The following NOL10 variants were observed in gnomAD, a reference collection of about 807,000 sequenced individuals.
The protein encoded by NOL10 is nucleolar protein 10, also known as H_NH0074G24.1.
NOL10 carries 58 observed loss-of-function variants against 103.5 expected under a neutral mutation model. The ratio of observed to expected loss-of-function variants is 0.56; its 90% CI spans 0.45 to 0.70. NOL10 has a LOEUF of 0.70. Ranked by LOEUF, NOL10 falls within the 30% of genes least tolerant of loss-of-function variation. The pLI, the probability that NOL10 is intolerant of heterozygous loss-of-function variation, is 0.00. For synonymous variants in NOL10, 287 were observed against 282.5 expected (o/e 1.02, Z -0.16); for missense variants, 763 against 807.3 (o/e 0.95, Z 0.67).
At chr2:10,638,790 G>A (rs1221718121) in intron 13 of NOL10, among the ~76,000 whole-genome samples, 1 of 120,196 alleles carries the variant, frequency 8.3e-6, no homozygotes, top group Admixed American at 9.0e-5. Context: ...ACCGTGCCTG[G>A]CCTTTTTTTT....
chr2:10,643,664 T>C (rs565732803), intron 13 of NOL10, among the ~76,000 whole-genome samples: 1 of 152,116 alleles, frequency 6.6e-6, no homozygotes, highest in East Asian at 1.9e-4. Context: ...AGAAACAAAC[T>C]ATAGTGAGAT....
At chr2:10,674,046 G>GA (rs34557815) in intron 4 of NOL10, among the ~76,000 whole-genome samples, 18,675 of 143,092 alleles carry the variant, frequency 0.13, 1,414 homozygotes, top group African/African-American at 0.19. Context: ...CTATGGGAAA[G>GA]AAAAAAAAAA....
At chr2:10,615,872 G>A (rs1371182463) in intron 13 of NOL10, among the ~76,000 whole-genome samples, 6 of 152,160 alleles carry the variant, frequency 3.9e-5, no homozygotes, top group Non-Finnish European at 7.3e-5. Flanking sequence ...CTCTGGAGGA[G>A]GGGAACCAAA....
intron 13 of NOL10, 30 bp from the exon 14 acceptor site, chr2:10,607,341 G>T (rs986619013): frequency 3.8e-6 from 6 of 1,577,688 alleles, no homozygotes; most frequent in Non-Finnish European, 5.1e-6. Context: ...GGTCAGCAAA[G>T]GCACAGTTTA....
chr2:10,632,551 G>A (rs1423403762), intron 13 of NOL10, among the ~76,000 whole-genome samples: 1 of 152,118 alleles, frequency 6.6e-6, no homozygotes, highest in East Asian at 1.9e-4. Flanking sequence ...GTAAGTAACT[G>A]GAAGCAATGC....
At chr2:10,677,701 G>A (rs1681410409) in intron 3 of NOL10, among the ~76,000 whole-genome samples, 1 of 151,952 alleles carries the variant, frequency 6.6e-6, no homozygotes, top group Non-Finnish European at 1.5e-5. Context: ...TCAAACTCCT[G>A]GGCTCAAGTG....
At chr2:10,618,514 C>G (rs1394442214) in intron 13 of NOL10, among the ~76,000 whole-genome samples, 2 of 152,188 alleles carry the variant, frequency 1.3e-5, no homozygotes, top group African/African-American at 4.8e-5. Context: ...AAGCGATTGG[C>G]TCTGTATGAT....
At chr2:10,589,772 G>A (rs377665588) in intron 17 of NOL10, 21 bp from the exon 18 acceptor site, 44 of 1,398,212 alleles carry the variant, frequency 3.1e-5, no homozygotes, top group East Asian at 7.9e-5. Flanking sequence ...GAAAAAGTAC[G>A]TAAAAATTTA....
At position 10,571,925 on chromosome 2, in the gene NOL10, C is replaced by T. The variant is rs73165928; in HGVS notation, c.*146G>A. 3.1e-3 allele frequency: 3,058 copies of T among 981,734 alleles called. 80 individuals carry two copies. In the African/African-American group the frequency reaches 0.045, roughly 14 times the overall value. The allele number at this position is 981,734 out of a possible 1,614,324, so 60.8% of individuals were successfully genotyped here. Reference sequence around the variant, plus strand: ...GCTTCAAAGTCCAACCCACAAGGCACAGGTTTTCAAATCTTTACCTCTGTG... The same window carrying T: ...GCTTCAAAGTCCAACCCACAAGGCATAGGTTTTCAAATCTTTACCTCTGTG... On this transcript the variant is annotated 3_prime_UTR_variant, in exon 21 of 21. Coordinates refer to ENST00000381685, the MANE Select transcript of NOL10 (RefSeq NM_024894.4).
rs561947894 is a variant in NOL10 at position 10,653,848 on chromosome 2, A to G, written c.973+633T>C. Among the ~76,000 whole-genome samples the G allele has an allele frequency of 2.0e-5, 3 of 152,174 alleles. No homozygotes were observed. In the South Asian group the frequency reaches 6.2e-4, roughly 32 times the overall value. ...AGCTCTCTCTCTCCAGCAAGCTGTC[A>G]AAGTACTCTTTGCACAAATGTGATA... On this transcript the variant is annotated intron_variant, in intron 12 of 20. Transcript: ENST00000381685.
At position 10,572,113 on chromosome 2, in the gene NOL10, T is replaced by C. The variant is rs1475299541; in HGVS notation, c.2025A>G (p.Gly675=). Residue 675 remains glycine, a synonymous_variant, in exon 21 of 21, where the codon GGA becomes GGG. Coordinates refer to ENST00000381685, the MANE Select transcript of NOL10 (RefSeq NM_024894.4). ...QERKRLRRSA[G]HLKSRHKRGR... ...CTCTTTTGTGTCTTGACTTCAGGTG[T>C]CCGGCCGAACGACGGAGTCTTTTCC... is the stretch of plus-strand genomic sequence containing the variant. The C allele has an allele frequency of 5.6e-6, 9 of 1,614,022 alleles. No individual in the cohort carries two copies. Among genetic ancestry groups the C allele is most frequent in the Non-Finnish European group, 6.8e-6 (8 of 1,179,902 alleles).
chr2:10,662,266 C>G (rs1231282752), intron 9 of NOL10, among the ~76,000 whole-genome samples: 1 of 152,190 alleles, frequency 6.6e-6, no homozygotes, highest in Non-Finnish European at 1.5e-5. Context: ...CTGTCAGCTA[C>G]TATTTCTACT....
intron 6 of NOL10, among the ~76,000 whole-genome samples, chr2:10,669,328 G>A: frequency 6.6e-6 from 1 of 151,110 alleles, no homozygotes; most frequent in East Asian, 2.0e-4. Flanking sequence ...GACCTCAGGT[G>A]ATCTGCCCAC....
At chr2:10,576,412 A>T (rs1230597492) in intron 20 of NOL10, among the ~76,000 whole-genome samples, 1 of 152,238 alleles carries the variant, frequency 6.6e-6, no homozygotes, top group Non-Finnish European at 1.5e-5. Flanking sequence ...TTATACATTC[A>T]TTTTCACAGC....
intron 12 of NOL10, among the ~76,000 whole-genome samples, chr2:10,648,333 G>A (rs1452566002): frequency 1.3e-5 from 2 of 152,154 alleles, no homozygotes; most frequent in East Asian, 1.9e-4. Context: ...CAGACACAAA[G>A]AGTTGAACGG....
chr2:10,611,691 G>A (rs974465896), intron 13 of NOL10, among the ~76,000 whole-genome samples: 15 of 152,192 alleles, frequency 9.9e-5, no homozygotes, highest in East Asian at 9.7e-4. Context: ...TGAGGTGGGC[G>A]GATCGCCTGA....
Position 10,684,573 on chromosome 2 carries a change from C to T in NOL10, c.106G>A (p.Asp36Asn). The change falls in exon 2 of 21, where the codon GAT (aspartate) becomes AAT (asparagine). Residue 36 changes from aspartate (D) to asparagine (N), a missense_variant. Transcript: ENST00000381685. ...GGGAAAAAACAATACTCACCTACAT[C>T]TTTCTTCTGTAGCGCTCTCTTCTTC... ...DRKKRALQKK[D>N]VDVRRRIELI... The T allele has an allele frequency of 1.9e-6, 3 of 1,575,402 alleles. No homozygotes were observed. Among genetic ancestry groups the T allele is most frequent in the Non-Finnish European group, 2.6e-6 (3 of 1,158,700 alleles).
At chr2:10,687,202 G>A (rs1682276333) in intron 1 of NOL10, among the ~76,000 whole-genome samples, 1 of 152,064 alleles carries the variant, frequency 6.6e-6, no homozygotes, top group African/African-American at 2.4e-5. Context: ...GGACAAGCAG[G>A]GGTTTCCAAA....
intron 13 of NOL10, among the ~76,000 whole-genome samples, chr2:10,627,600 G>A (rs922427170): frequency 1.9e-4 from 29 of 151,946 alleles, no homozygotes; most frequent in Admixed American, 1.6e-3. Flanking sequence ...GCGTGAACCC[G>A]GGAGGCGGAG....
Sources: gnomAD v4.1 joint callset for allele counts (sites outside exome capture counted in the v4.1 genomes callset) on GRCh38, gnomAD v4.1.1 for gene constraint, MANE v1.5 for transcripts, NCBI Gene and HGNC (gene_info 2026-07-23, HGNC 2026-07-21) for gene names.